The following CDH22 variants were observed in gnomAD, a reference collection of about 807,000 sequenced individuals.
CDH22 encodes cadherin 22.
Under a neutral mutation model 58.4 loss-of-function variants are expected in CDH22, and 30 were observed. The observed-to-expected ratio is 0.51, with a 90% CI of 0.38 to 0.70. The LOEUF is 0.70. Among genes scored for constraint, CDH22 ranks in the 30% least tolerant of loss-of-function variants. The pLI is 0.00. For missense variants in CDH22, 1,014 were observed against 1,233.9 expected (o/e 0.82, Z 2.67); for synonymous variants, 513 against 558.2 (o/e 0.92, Z 1.14).
chr20:46,282,772 G>T (rs536363461), intron 1 of CDH22, among the ~76,000 whole-genome samples: 1 of 152,192 alleles, frequency 6.6e-6, no homozygotes, highest in African/African-American at 2.4e-5. Context: ...GGGTGGGTGG[G>T]TGATTGCCCC....
In CDH22 at chr20:46,177,962, G is replaced by A. The variant is rs376069500; in HGVS notation, c.1899C>T (p.Cys633=). ...SPGALIALLV[C]VLILVVLVLL... ...TGGACTCACCAACCAGGATGAGAACGCAGACCAAGAGGGCGATGAGGGCGC... is the reference window on the plus strand; with the variant it reads ...TGGACTCACCAACCAGGATGAGAACACAGACCAAGAGGGCGATGAGGGCGC... The change falls in exon 11 of 12, where the codon TGC becomes TGT. Residue 633 remains cysteine (C), a synonymous_variant. Transcript: ENST00000537909. 10 of 1,613,786 alleles carry A rather than the reference G, an allele frequency of 6.2e-6. No individual in the cohort carries two copies. The East Asian group carries it at 6.7e-5, about 11-fold the overall frequency.
At chr20:46,258,877 G>A (rs1485669514) in intron 1 of CDH22, among the ~76,000 whole-genome samples, 1 of 152,230 alleles carries the variant, frequency 6.6e-6, no homozygotes, top group Non-Finnish European at 1.5e-5. Flanking sequence ...GGTCCCAGGG[G>A]CCAAGAAGAG....
Position 46,210,409 on chromosome 20 carries a change from C to T in CDH22, c.1184G>A (p.Arg395Gln), listed in dbSNP as rs779484226. The change falls in exon 7 of 12, where the codon CGG (arginine) becomes CAG (glutamine). Residue 395 changes from arginine to glutamine, a missense_variant. Arg to Gln is a conservative substitution (Grantham distance 43). Coordinates refer to ENST00000537909, the MANE Select transcript of CDH22 (RefSeq NM_021248.3). This position sits in a 1 kb window ranked among gnomAD's most constrained non-coding sequence, Gnocchi z 4.5. ...CACCTCCAGGAGGCCGGAGGGCGGC[C>T]GGAACTCGGGGGGCTCGTCCACGTC... is the stretch of plus-strand genomic sequence containing the variant. ...VTDVDEPPEF[R>Q]PPSGLLEVQE... The T allele has an allele frequency of 3.4e-6, 5 of 1,462,508 alleles. No homozygotes were observed. In the Admixed American group the frequency reaches 8.0e-5, roughly 23 times the overall value. 90.6% of individuals were successfully genotyped at this position (1,462,508 alleles called of 1,614,324 possible). A position where few individuals can be genotyped will look rare whatever the true frequency, so the allele number is the denominator to read the frequency against.
intron 9 of CDH22, 58 bp from the exon 10 acceptor site, chr20:46,186,763 A>C: frequency 6.2e-7 from 1 of 1,601,156 alleles, no homozygotes; most frequent in Non-Finnish European, 8.5e-7. Context: ...CTCTGGGTCG[A>C]GGTAGAGGAT....
intron 1 of CDH22, among the ~76,000 whole-genome samples, chr20:46,254,635 A>C (rs2086397503): frequency 6.6e-6 from 1 of 152,068 alleles, no homozygotes; most frequent in South Asian, 2.1e-4. Context: ...TAATAGAGGA[A>C]TTAATCTACA....
At chr20:46,175,921 T>C (rs146595183) in intron 11 of CDH22, among the ~76,000 whole-genome samples, 1 of 152,328 alleles carries the variant, frequency 6.6e-6, no homozygotes, top group East Asian at 1.9e-4. Flanking sequence ...AATGTTCCTC[T>C]ATCTTGGTGC....
At chr20:46,222,271 A>G (rs903966379) in intron 4 of CDH22, among the ~76,000 whole-genome samples, 1 of 152,214 alleles carries the variant, frequency 6.6e-6, no homozygotes, top group Non-Finnish European at 1.5e-5. Flanking sequence ...CCGTGTCTAT[A>G]GGGCCTGGCA....
chr20:46,261,519 G>A (rs1430618895), intron 1 of CDH22, among the ~76,000 whole-genome samples: 3 of 152,196 alleles, frequency 2.0e-5, no homozygotes, highest in Non-Finnish European at 4.4e-5. Context: ...GGTAGTTCAG[G>A]AAGAGGCAGC....
intron 1 of CDH22, among the ~76,000 whole-genome samples, chr20:46,252,567 A>G (rs2086384632): frequency 6.6e-6 from 1 of 152,246 alleles, no homozygotes; most frequent in Non-Finnish European, 1.5e-5. Context: ...TACAGGGGAC[A>G]GCGATGCTGC....
chr20:46,211,859 A>T (rs1232013355), intron 6 of CDH22, among the ~76,000 whole-genome samples: 1 of 151,892 alleles, frequency 6.6e-6, no homozygotes, highest in Non-Finnish European at 1.5e-5. Context: ...ACGATACTAG[A>T]TGCATGGCCT....
intron 3 of CDH22, among the ~76,000 whole-genome samples, chr20:46,228,458 G>A (rs901879707): frequency 2.0e-5 from 3 of 152,064 alleles, no homozygotes; most frequent in African/African-American, 7.2e-5. Context: ...TCATTAAACC[G>A]GGAGCTTCTT....
rs1481631200 is a variant in CDH22 at position 46,290,135 on chromosome 20, GA to G, written c.-400+18119del. The stretch of plus-strand genomic sequence containing the variant: ...GGTCAAGAAATGAAAACTTTGGTGA[GA>G]AAACTGTACAAAGTTGAAGGTGGCA... On this transcript the variant is annotated intron_variant, in intron 1 of 11. Transcript: ENST00000537909. Among the ~76,000 whole-genome samples, 5 of 152,198 alleles carry G rather than the reference GA, an allele frequency of 3.3e-5. No homozygotes were observed. The East Asian group carries it at 5.8e-4, about 18-fold the overall frequency.
At chr20:46,285,651 T>C (rs570250414) in intron 1 of CDH22, among the ~76,000 whole-genome samples, 4 of 152,306 alleles carry the variant, frequency 2.6e-5, no homozygotes, top group South Asian at 4.1e-4. Context: ...TACCTCAGAG[T>C]TGGGGATAGA....
intron 10 of CDH22, among the ~76,000 whole-genome samples, chr20:46,180,815 C>A (rs1339244910): frequency 2.0e-5 from 3 of 152,216 alleles, no homozygotes; most frequent in Admixed American, 1.3e-4. Context: ...CTCACTGTGA[C>A]CTCGGTCTCC....
rs372238997 is a variant in CDH22 at position 46,211,419 on chromosome 20, G to A, written c.1033-859C>T. On this transcript the variant is annotated intron_variant, in intron 6 of 11. Coordinates refer to ENST00000537909, the MANE Select transcript of CDH22 (RefSeq NM_021248.3). ...GACTTCTCCAGCAGCAAAAACAGCCGTGTCCTGCCTCCAGCCTGTTGCCTG... is the reference window on the plus strand; with the variant it reads ...GACTTCTCCAGCAGCAAAAACAGCCATGTCCTGCCTCCAGCCTGTTGCCTG... Among the ~76,000 whole-genome samples the A allele has an allele frequency of 2.0e-4, 31 of 152,312 alleles. No homozygotes were observed. The South Asian group carries it at 2.9e-3, about 14-fold the overall frequency.
intron 1 of CDH22, among the ~76,000 whole-genome samples, chr20:46,280,601 C>A (rs904520227): frequency 2.0e-5 from 3 of 152,202 alleles, no homozygotes; most frequent in Non-Finnish European, 4.4e-5. Context: ...TGGGGGCTGC[C>A]TTCTCTCTTG....
At chr20:46,200,834 G>A (rs2085955189) in intron 7 of CDH22, among the ~76,000 whole-genome samples, 1 of 152,192 alleles carries the variant, frequency 6.6e-6, no homozygotes, top group Non-Finnish European at 1.5e-5. Context: ...GGGAGAGGGG[G>A]GCAGTTGTGG....
At chr20:46,194,530 A>G (rs915337945) in intron 8 of CDH22, among the ~76,000 whole-genome samples, 30 of 152,090 alleles carry the variant, frequency 2.0e-4, no homozygotes, top group Non-Finnish European at 2.6e-4. Flanking sequence ...GCTGGAGCCC[A>G]TCATCTCTGA....
At position 46,174,699 on chromosome 20, in the gene CDH22, G is replaced by A. The variant is rs765974679; in HGVS notation, c.2294C>T (p.Pro765Leu). 6.4e-7 allele frequency: 1 copy of A among 1,557,726 alleles called. No homozygotes were observed. Among genetic ancestry groups the A allele is most frequent in the South Asian group, 1.2e-5 (1 of 85,180 alleles). The change falls in exon 12 of 12, where the codon CCG becomes CTG. Residue 765 changes from proline (P) to leucine (L), a missense_variant. By Grantham distance (98) the Pro-to-Leu change is moderately conservative (BLOSUM62 -3). Around this residue, in one of 2 missense-constraint regions of CDH22, gnomAD observed 208 missense variants for 195.2 expected, o/e 1.07. Coordinates refer to ENST00000537909, the MANE Select transcript of CDH22 (RefSeq NM_021248.3). The surrounding 1 kb of genome is among the most constrained non-coding windows in gnomAD (Gnocchi z 4.4). ...VALADGDLSVPPYDAFQTYAF... is the reference protein window; with the variant it reads ...VALADGDLSVLPYDAFQTYAF... ...GTAGGTCTGGAAGGCGTCGTAGGGC[G>A]GCACCGACAGGTCCCCGTCCGCCAG...
Sources: gnomAD v4.1 joint callset for allele counts (sites outside exome capture counted in the v4.1 genomes callset) on GRCh38, gnomAD v4.1.1 for gene constraint, gnomAD v4.1.1 regional missense constraint, Gnocchi (gnomAD v3.1) non-coding constraint, MANE v1.5 for transcripts, NCBI Gene and HGNC (gene_info 2026-07-23, HGNC 2026-07-21) for gene names.